Variants in KLF8 observed in about 807,000 individuals in gnomAD.
KLF8 encodes Krueppel-like factor 8.
In KLF8, 10 loss-of-function variants were observed where a neutral mutation model predicts 18.2. That is an observed-to-expected ratio of 0.55 (90% CI 0.34 to 0.93). The LOEUF is 0.93. Among genes scored for constraint, KLF8 ranks in the 40% least tolerant of loss-of-function variants. The probability of loss-of-function intolerance (pLI) is 0.02; values close to 1 mark genes in which losing one functional copy is unlikely to be tolerated. For synonymous variants in KLF8, 109 were observed against 97.3 expected (o/e 1.12, Z -0.71); for missense variants, 264 against 277.9 (o/e 0.95, Z 0.36).
the KLF8 span, among the ~76,000 whole-genome samples, chrX:56,142,346 A>G: frequency 1.8e-5 from 2 of 111,137 alleles, no homozygotes; most frequent in Non-Finnish European, 3.8e-5. Flanking sequence ...CAGTTTCTTT[A>G]TGTTACTTCT....
chrX:56,276,737 G>C (rs1459434713), intron 5 of KLF8, among the ~76,000 whole-genome samples: 1 of 110,849 alleles, frequency 9.0e-6, no homozygotes, highest in African/African-American at 3.3e-5. Flanking sequence ...GTCTTCTTTG[G>C]GTTAAATTTG....
At chrX:56,189,006 A>C in the KLF8 span, among the ~76,000 whole-genome samples, 654 of 111,685 alleles carry the variant, frequency 5.9e-3, 3 homozygotes, top group Middle Eastern at 0.018. Flanking sequence ...CAACAAAAGC[A>C]AAAATTGACA....
Position 56,287,474 on chromosome X carries a change from T to C in KLF8, c.*2980T>C, listed in dbSNP as rs2067280630. 8.9e-6 allele frequency: 1 copy of C among 112,335 alleles called. No homozygotes were observed. Among genetic ancestry groups the C allele is most frequent in the South Asian group, 3.7e-4 (1 of 2,711 alleles). The allele number at this position is 112,335 out of a possible 1,213,427, so 9.3% of individuals were successfully genotyped here. A position where few individuals can be genotyped will look rare whatever the true frequency, so the allele number is the denominator to read the frequency against. ...AGCATTTGGGGTTCAATTGAATTTG[T>C]TGTGTTTACAACAGCAAAGCACCGT... On this transcript the variant is annotated 3_prime_UTR_variant, in exon 6 of 6. Coordinates refer to ENST00000468660, the MANE Select transcript of KLF8 (RefSeq NM_007250.5).
chrX:56,282,884 T>C (rs2147700951), intron 5 of KLF8, among the ~76,000 whole-genome samples: 1 of 112,010 alleles, frequency 8.9e-6, no homozygotes, highest in East Asian at 2.8e-4. Context: ...TATTTCCTTT[T>C]TCAAAATTTT....
the KLF8 span, among the ~76,000 whole-genome samples, chrX:55,944,343 C>T: frequency 0.12 from 12,748 of 108,615 alleles, 1,540 homozygotes; most frequent in African/African-American, 0.35. Flanking sequence ...ATGCTGGCCT[C>T]ATAAAATGAG....
chrX:56,103,593 A>G, the KLF8 span, among the ~76,000 whole-genome samples: 1 of 111,767 alleles, frequency 8.9e-6, no homozygotes, highest in African/African-American at 3.3e-5. Context: ...GTTGCTTATC[A>G]GCTTAAGGAG....
At chrX:55,995,911 G>T in the KLF8 span, among the ~76,000 whole-genome samples, 3 of 111,201 alleles carry the variant, frequency 2.7e-5, no homozygotes, top group South Asian at 1.1e-3. Context: ...GAATTTGAAT[G>T]TCTCCCTCTC....
chrX:56,075,504 T>A, the KLF8 span, among the ~76,000 whole-genome samples: 12 of 112,219 alleles, frequency 1.1e-4, no homozygotes, highest in Non-Finnish European at 2.1e-4. Context: ...GAATTTATGC[T>A]TTGTGTTACA....
At chrX:56,133,516 A>G in the KLF8 span, among the ~76,000 whole-genome samples, 2 of 111,833 alleles carry the variant, frequency 1.8e-5, no homozygotes, top group Non-Finnish European at 3.8e-5. Flanking sequence ...GACATGCCTC[A>G]ATGTAATAAA....
chrX:55,991,014 C>G, the KLF8 span, among the ~76,000 whole-genome samples: 1 of 112,337 alleles, frequency 8.9e-6, no homozygotes, highest in Non-Finnish European at 1.9e-5. Flanking sequence ...AGAACCACTA[C>G]TCTCTTCAAA....
the KLF8 span, among the ~76,000 whole-genome samples, chrX:56,160,153 A>G: frequency 8.9e-6 from 1 of 111,961 alleles, no homozygotes; most frequent in African/African-American, 3.3e-5. Context: ...TGAACCCTGT[A>G]GTCATTCAGG....
the KLF8 span, chrX:55,961,704 G>A: frequency 2.6e-6 from 1 of 391,592 alleles, no homozygotes; most frequent in Non-Finnish European, 4.8e-6. Context: ...CCCATCTTCA[G>A]GGATGCTGGC....
the KLF8 span, among the ~76,000 whole-genome samples, chrX:55,963,608 C>T: frequency 1.8e-5 from 2 of 111,798 alleles, no homozygotes; most frequent in Admixed American, 9.5e-5. Context: ...CACTGGAGCA[C>T]CCAGATACAT....
At chrX:56,133,635 A>G in the KLF8 span, among the ~76,000 whole-genome samples, 1 of 111,534 alleles carries the variant, frequency 9.0e-6, no homozygotes, top group Non-Finnish European at 1.9e-5. Context: ...CACCACTTTT[A>G]TTCAACATAG....
the KLF8 span, among the ~76,000 whole-genome samples, chrX:56,080,078 C>G: frequency 9.0e-6 from 1 of 111,272 alleles, no homozygotes; most frequent in African/African-American, 3.3e-5. Context: ...ATACAGCACC[C>G]TGATGGGTCT....
At chrX:56,161,087 G>T in the KLF8 span, among the ~76,000 whole-genome samples, 3 of 111,247 alleles carry the variant, frequency 2.7e-5, no homozygotes, top group South Asian at 3.8e-4. Context: ...CAGGCCTGGT[G>T]GTGACAAAAT....
At chrX:56,171,622 G>A in the KLF8 span, among the ~76,000 whole-genome samples, 3 of 111,476 alleles carry the variant, frequency 2.7e-5, no homozygotes, top group Admixed American at 9.6e-5. Flanking sequence ...AACATGCGGT[G>A]TTTGGATTTT....
chrX:56,094,270 A>T, the KLF8 span, among the ~76,000 whole-genome samples: 5 of 111,115 alleles, frequency 4.5e-5, no homozygotes, highest in Non-Finnish European at 9.5e-5. Context: ...GGGTGGGAAA[A>T]GATATTTCAT....
At chrX:56,155,313 C>G in the KLF8 span, among the ~76,000 whole-genome samples, 1 of 111,160 alleles carries the variant, frequency 9.0e-6, no homozygotes, top group Non-Finnish European at 1.9e-5. Context: ...AAGGGACATG[C>G]ATGAAGCTGG....
Sources: gnomAD v4.1 joint callset for allele counts (sites outside exome capture counted in the v4.1 genomes callset) on GRCh38, gnomAD v4.1.1 for gene constraint, MANE v1.5 for transcripts, NCBI Gene and HGNC (gene_info 2026-07-23, HGNC 2026-07-21) for gene names.